Variants in LRP1B observed in about 807,000 individuals in gnomAD.
LRP1B encodes the protein LDL receptor related protein 1B.
A neutral mutation model predicts 556.6 loss-of-function variants in LRP1B; 217 were observed. The ratio of observed to expected loss-of-function variants is 0.39; its 90% CI spans 0.35 to 0.44. LRP1B has a LOEUF of 0.44. LRP1B is among the 20% of genes least tolerant of loss of function. The pLI, the probability that LRP1B is intolerant of heterozygous loss-of-function variation, is 1.00. For synonymous variants in LRP1B, 2,047 were observed against 1,865.8 expected (o/e 1.10, Z -2.50); for missense variants, 5,053 against 5,620.8 (o/e 0.90, Z 3.23).
intron 3 of LRP1B, among the ~76,000 whole-genome samples, chr2:141,461,467 A>G (rs2105043383): frequency 6.6e-6 from 1 of 152,298 alleles, no homozygotes; most frequent in Admixed American, 6.5e-5. Flanking sequence ...AAGAAATAGC[A>G]TAGTAGGGAA....
chr2:140,517,760 G>C (rs1410266592), intron 49 of LRP1B, among the ~76,000 whole-genome samples: 1 of 134,958 alleles, frequency 7.4e-6, no homozygotes, highest in Non-Finnish European at 1.5e-5. Flanking sequence ...ACCCAGGCTG[G>C]AGTGCAGTGG....
At chr2:141,677,751 A>T (rs964387887) in intron 2 of LRP1B, among the ~76,000 whole-genome samples, 10 of 152,188 alleles carry the variant, frequency 6.6e-5, no homozygotes, top group African/African-American at 2.2e-4. Flanking sequence ...GGCCTCCCAA[A>T]GTGCTGGCAT....
At position 140,953,916 on chromosome 2, in the gene LRP1B, A is replaced by G. The variant is rs114999801; in HGVS notation, c.2888-1976T>C. ...TACTACACTCTATTACCAATTTCCT[A>G]TCTCACTTTCCCTTACCATCCATGA... On this transcript the variant is annotated intron_variant, in intron 18 of 90. Coordinates refer to ENST00000389484, the MANE Select transcript of LRP1B (RefSeq NM_018557.3). Among the ~76,000 whole-genome samples the G allele has an allele frequency of 7.4e-3, 1,128 of 152,272 alleles. 14 individuals are homozygous for G. Among genetic ancestry groups the G allele is most frequent in the Non-Finnish European group, 0.01 (711 of 68,008 alleles).
intron 1 of LRP1B, among the ~76,000 whole-genome samples, chr2:141,928,695 G>T (rs904663798): frequency 6.6e-6 from 1 of 152,022 alleles, no homozygotes; most frequent in Non-Finnish European, 1.5e-5. Flanking sequence ...CATGAAATTG[G>T]CAATTTCATG....
chr2:142,068,692 TTC>T (rs1030571779), intron 1 of LRP1B, among the ~76,000 whole-genome samples: 2 of 151,530 alleles, frequency 1.3e-5, no homozygotes, highest in Non-Finnish European at 3.0e-5. Flanking sequence ...CACTCCACTA[TTC>T]TCTGTTATAA....
intron 3 of LRP1B, among the ~76,000 whole-genome samples, chr2:141,403,213 G>A (rs1319797520): frequency 6.6e-6 from 1 of 152,032 alleles, no homozygotes; most frequent in African/African-American, 2.4e-5. Flanking sequence ...CTAAACTAAT[G>A]TGAGCCTAAG....
chr2:140,830,587 T>C (rs1446149596), intron 31 of LRP1B, among the ~76,000 whole-genome samples: 3 of 152,178 alleles, frequency 2.0e-5, no homozygotes, highest in Non-Finnish European at 4.4e-5. Flanking sequence ...AAACTGGGTA[T>C]AGAAGAATCA....
intron 43 of LRP1B, among the ~76,000 whole-genome samples, chr2:140,551,443 AAGTG>A (rs1025366726): frequency 1.1e-4 from 16 of 152,172 alleles, no homozygotes; most frequent in Admixed American, 6.6e-4. Flanking sequence ...AACAAAGGCT[AAGTG>A]AGTATGACTC....
chr2:141,172,110 T>C (rs182873001), intron 7 of LRP1B, among the ~76,000 whole-genome samples: 179 of 152,250 alleles, frequency 1.2e-3, no homozygotes, highest in African/African-American at 4.1e-3. Context: ...TCTAGGTTAC[T>C]TGATATCACA....
At chr2:140,863,381 A>C (rs1692856341) in intron 27 of LRP1B, among the ~76,000 whole-genome samples, 1 of 152,170 alleles carries the variant, frequency 6.6e-6, no homozygotes, top group Non-Finnish European at 1.5e-5. Context: ...TTTGTTAAAG[A>C]TGCAAAATGT....
chr2:141,905,776 T>C (rs1385694614), intron 1 of LRP1B, among the ~76,000 whole-genome samples: 17 of 149,454 alleles, frequency 1.1e-4, no homozygotes, highest in Admixed American at 5.4e-4. Context: ...TGTGTGTGTG[T>C]GTGTGTGTGT....
intron 43 of LRP1B, among the ~76,000 whole-genome samples, chr2:140,595,102 A>ATATATATC (rs1682383787): frequency 1.8e-5 from 1 of 56,276 alleles, no homozygotes; most frequent in African/African-American, 7.8e-5. Context: ...ATATATATAT[A>ATATATATC]TATATATATA....
At chr2:140,899,217 G>A (rs1445620228) in intron 23 of LRP1B, 2 of 159,724 alleles carry the variant, frequency 1.3e-5, no homozygotes, top group African/African-American at 4.8e-5. Context: ...TCTGCAATGA[G>A]AAGATGATAC....
intron 2 of LRP1B, among the ~76,000 whole-genome samples, chr2:141,716,433 A>AT (rs1692589612): frequency 6.6e-6 from 1 of 152,270 alleles, no homozygotes; most frequent in Non-Finnish European, 1.5e-5. Context: ...ATGTATATAT[A>AT]TTTTTTTCAG....
intron 3 of LRP1B, among the ~76,000 whole-genome samples, chr2:141,352,175 A>G (rs13408812): frequency 0.027 from 4,087 of 152,040 alleles, 199 homozygotes; most frequent in African/African-American, 0.093. Flanking sequence ...TAGGGAGATT[A>G]GAGAGTAGAC....
intron 2 of LRP1B, among the ~76,000 whole-genome samples, chr2:141,585,242 G>A (rs1687095252): frequency 6.6e-6 from 1 of 152,004 alleles, no homozygotes; most frequent in Non-Finnish European, 1.5e-5. Flanking sequence ...TATTTCCTAA[G>A]ATATTTCCAA....
chr2:140,438,010 ATTTC>A (rs1365564239), intron 66 of LRP1B, among the ~76,000 whole-genome samples: 2 of 151,822 alleles, frequency 1.3e-5, no homozygotes, highest in Non-Finnish European at 2.9e-5. Flanking sequence ...TGTGTGAAAT[ATTTC>A]TTTTTGATTG....
intron 71 of LRP1B, among the ~76,000 whole-genome samples, chr2:140,368,668 G>C (rs1484889833): frequency 6.6e-6 from 1 of 151,712 alleles, no homozygotes; most frequent in South Asian, 2.1e-4. Context: ...TTATCCTTCA[G>C]CTCTCTTATA....
chr2:140,881,660 T>C (rs1264938711), intron 25 of LRP1B, among the ~76,000 whole-genome samples: 3 of 152,108 alleles, frequency 2.0e-5, no homozygotes, highest in African/African-American at 7.2e-5. Context: ...AAAGTATTAT[T>C]TTATTATCAA....
Sources: allele counts gnomAD v4.1 joint callset (sites outside exome capture counted in the v4.1 genomes callset), GRCh38; gene constraint gnomAD v4.1.1; transcripts MANE v1.5; gene names NCBI Gene and HGNC (gene_info 2026-07-23, HGNC 2026-07-21).